The following VPS4A variants were observed in gnomAD, a reference collection of about 807,000 sequenced individuals.
The protein encoded by VPS4A is vacuolar protein sorting 4 homolog A, also known as vacuolar protein sorting-associated protein 4A.
In VPS4A, 20 loss-of-function variants were observed where a neutral mutation model predicts 52.3. That is an observed-to-expected ratio of 0.38 (90% CI 0.27 to 0.56). The LOEUF (loss-of-function observed/expected upper bound fraction) is 0.56, where lower values mean the gene tolerates loss of function less well. Among genes scored for constraint, VPS4A ranks in the 20% least tolerant of loss-of-function variants. The pLI is 0.72. For synonymous variants in VPS4A, 293 were observed against 227.7 expected (o/e 1.29, Z -2.58); for missense variants, 419 against 575.9 (o/e 0.73, Z 2.79).
rs755682902 is a variant in VPS4A at position 69,316,293 on chromosome 16, G to A, written c.202G>A (p.Glu68Lys). Residue 68 changes from glutamate (E) to lysine (K), a missense_variant, in exon 3 of 11, where the codon GAG (glutamate) becomes AAG (lysine). Coordinates refer to ENST00000254950, the MANE Select transcript of VPS4A (RefSeq NM_013245.3). ...GTGCGTGCAGTACCTAGACCGGGCCGAGAAGCTGAAGGATTATTTACGAAG... is the reference window on the plus strand; with the variant it reads ...GTGCGTGCAGTACCTAGACCGGGCCAAGAAGCTGAAGGATTATTTACGAAG... ...AKCVQYLDRA[E>K]KLKDYLRSKE... The A allele has an allele frequency of 1.2e-6, 2 of 1,613,878 alleles. No homozygotes were observed. The highest frequency in any genetic ancestry group is 2.2e-5 in the South Asian group (2 of 91,084).
At chr16:69,319,671 G>A (rs1965485815) in intron 6 of VPS4A, 128 bp downstream of exon 6, 1 of 1,267,176 alleles carries the variant, frequency 7.9e-7, no homozygotes, top group African/African-American at 1.5e-5. Context: ...AGAGCAGTGT[G>A]TCGCTAGCTT....
intron 1 of VPS4A, among the ~76,000 whole-genome samples, chr16:69,314,561 C>G (rs567885351): frequency 3.4e-4 from 52 of 152,202 alleles, no homozygotes; most frequent in African/African-American, 1.2e-3. Flanking sequence ...GGGCTCCCAG[C>G]CATTCATTGT....
At position 69,322,659 on chromosome 16, in the gene VPS4A, G is replaced by A. The variant is rs184892976; in HGVS notation, c.1171G>A (p.Asp391Asn). The change falls in exon 10 of 11, where the codon GAT (aspartate) becomes AAT (asparagine). Residue 391 changes from aspartate (D) to asparagine (N), a missense_variant. Physicochemically the swap from Asp to Asn is conservative, Grantham distance 23. Transcript: ENST00000254950. ...DPGAMEMTWM[D>N]VPGDKLLEPV... ...AGGAGCCATGGAGATGACTTGGATG[G>A]ATGTCCCTGGGGACAAACTCTTAGA... is the stretch of plus-strand genomic sequence containing the variant. 1.4e-3 allele frequency: 2,332 copies of A among 1,613,908 alleles called. 6 individuals carry two copies. Among genetic ancestry groups the A allele is most frequent in the Admixed American group, 2.7e-3 (163 of 60,012 alleles).
Position 69,324,350 on chromosome 16 carries a change from T to A in VPS4A, c.*41T>A. The A allele has an allele frequency of 1.3e-6, 2 of 1,595,688 alleles. No individual in the cohort carries two copies. Among genetic ancestry groups the A allele is most frequent in the Non-Finnish European group, 1.7e-6 (2 of 1,168,154 alleles). On this transcript the variant is annotated 3_prime_UTR_variant, in exon 11 of 11. Transcript: ENST00000254950. ...GGCAATGGTGAAGGTGGGAGGTTGA[T>A]TGGGGCAAATCCAGGCACTCCCCAT... is the stretch of plus-strand genomic sequence containing the variant.
At chr16:69,319,685 G>T (rs549312887) in intron 6 of VPS4A, 142 bp downstream of exon 6, 10 of 1,159,254 alleles carry the variant, frequency 8.6e-6, no homozygotes, top group East Asian at 7.7e-5. Flanking sequence ...CTAGCTTATC[G>T]GCTGGGACAC....
rs1270699384 is a variant in VPS4A at position 69,325,604 on chromosome 16, G to A, written c.*1295G>A. ...AAAAATTAGCCGGGCGTGGTGGTGG[G>A]CGCCTGCAGTCCCAGCTACTTGGGA... is the stretch of plus-strand genomic sequence containing the variant. On this transcript the variant is annotated 3_prime_UTR_variant, in exon 11 of 11. Transcript: ENST00000254950. 1.3e-5 allele frequency: 2 copies of A among 152,024 alleles called. No homozygotes were observed. Among genetic ancestry groups the A allele is most frequent in the Admixed American group, 6.6e-5 (1 of 15,260 alleles). 9.4% of individuals were successfully genotyped at this position (152,024 alleles called of 1,614,324 possible). A position where few individuals can be genotyped will look rare whatever the true frequency, so the allele number is the denominator to read the frequency against.
In VPS4A at chr16:69,320,681, T is replaced by G. The variant is rs756489799; in HGVS notation, c.770-7T>G. The G allele has an allele frequency of 6.3e-7, 1 of 1,597,042 alleles. No individual in the cohort carries two copies. The highest frequency in any genetic ancestry group is 8.5e-7 in the Non-Finnish European group (1 of 1,171,792). ...GAGTCTGAGTCTTTGTCTCCCTTTC[T>G]CCACAGGGGTGGGGAATAACAATGA... On this transcript the variant is annotated splice_region_variant and splice_polypyrimidine_tract_variant and intron_variant, in intron 7 of 10. Coordinates refer to ENST00000254950, the MANE Select transcript of VPS4A (RefSeq NM_013245.3). This position sits in a 1 kb window ranked among gnomAD's most constrained non-coding sequence, Gnocchi z 4.2.
At chr16:69,322,389 T>C (rs1965524206) in intron 9 of VPS4A, 171 bp from the exon 10 acceptor site, 4 of 592,484 alleles carry the variant, frequency 6.8e-6, no homozygotes, top group East Asian at 2.9e-5. Flanking sequence ...CAGAGTCCCA[T>C]GCAAATCATG....
In VPS4A at chr16:69,324,426, C is replaced by T. The variant is rs1010457429; in HGVS notation, c.*117C>T. On this transcript the variant is annotated 3_prime_UTR_variant, in exon 11 of 11. Transcript: ENST00000254950. Reference sequence around the variant, plus strand: ...GCTTGTCCCAGTCAATACAGAGTTCCCTCTGCTGTCTGGCCGTCTGCCAGG... The same window carrying T: ...GCTTGTCCCAGTCAATACAGAGTTCTCTCTGCTGTCTGGCCGTCTGCCAGG... 2.2e-5 allele frequency: 25 copies of T among 1,126,610 alleles called. No individual in the cohort carries two copies. In the South Asian group the frequency reaches 2.8e-4, roughly 13 times the overall value. 69.8% of individuals were successfully genotyped at this position (1,126,610 alleles called of 1,614,324 possible).
At position 69,320,975 on chromosome 16, in the gene VPS4A, A is replaced by G; in HGVS notation, c.852-76A>G. 6.9e-7 allele frequency: 1 copy of G among 1,455,448 alleles called. No individual in the cohort carries two copies. The highest frequency in any genetic ancestry group is 9.4e-7 in the Non-Finnish European group (1 of 1,063,326). The allele number at this position is 1,455,448 out of a possible 1,614,324, so 90.2% of individuals were successfully genotyped here. On this transcript the variant is annotated intron_variant, in intron 8 of 10. Coordinates refer to ENST00000254950, the MANE Select transcript of VPS4A (RefSeq NM_013245.3). This position sits in a 1 kb window ranked among gnomAD's most constrained non-coding sequence, Gnocchi z 4.2. ...CCATGAAATGCGTCCGTTTCACTCA[A>G]ATCTTCGTGCCTCCCCTTCCGTGAA...
At chr16:69,313,914 T>C (rs1188179731) in intron 1 of VPS4A, among the ~76,000 whole-genome samples, 1 of 152,010 alleles carries the variant, frequency 6.6e-6, no homozygotes, top group Non-Finnish European at 1.5e-5. Flanking sequence ...TAAAACTGTT[T>C]CTCTCCATTG....
Position 69,311,407 on chromosome 16 carries a change from G to T in VPS4A, c.-105G>T, listed in dbSNP as rs1471500865. On this transcript the variant is annotated 5_prime_UTR_variant, in exon 1 of 11. Coordinates refer to ENST00000254950, the MANE Select transcript of VPS4A (RefSeq NM_013245.3). ...GCCCTGCCCGCGCACCGCGCTCAGCGCCCACCGCCGGGCTTCCCGCGCCGG... is the reference window on the plus strand; with the variant it reads ...GCCCTGCCCGCGCACCGCGCTCAGCTCCCACCGCCGGGCTTCCCGCGCCGG... 1.2e-5 allele frequency: 14 copies of T among 1,185,916 alleles called. No individual in the cohort carries two copies. The highest frequency in any genetic ancestry group is 1.6e-5 in the African/African-American group (1 of 62,412). The allele number at this position is 1,185,916 out of a possible 1,614,324, so 73.5% of individuals were successfully genotyped here.
At position 69,320,702 on chromosome 16, in the gene VPS4A, A is replaced by C; in HGVS notation, c.784A>C (p.Asn262His). Residue 262 changes from asparagine (N) to histidine (H), a missense_variant, in exon 8 of 11, where the codon AAT becomes CAT. Physicochemically the swap from Asn to His is moderately conservative, Grantham distance 68 (BLOSUM62 1). Transcript: ENST00000254950. The surrounding 1 kb of genome is among the most constrained non-coding windows in gnomAD (Gnocchi z 4.2). Reference sequence around the variant, plus strand: ...TTTCTCCACAGGGGTGGGGAATAACAATGATGGGACTCTGGTTCTTGGAGC... The same window carrying C: ...TTTCTCCACAGGGGTGGGGAATAACCATGATGGGACTCTGGTTCTTGGAGC... ...LVQMQGVGNN[N>H]DGTLVLGATN... 6.2e-7 allele frequency: 1 copy of C among 1,606,386 alleles called. No homozygotes were observed. The highest frequency in any genetic ancestry group is 8.5e-7 in the Non-Finnish European group (1 of 1,176,618).
At chr16:69,322,817 C>T (rs1965530644) in intron 10 of VPS4A, 117 bp downstream of exon 10, 2 of 1,362,362 alleles carry the variant, frequency 1.5e-6, no homozygotes, top group Non-Finnish European at 2.0e-6. Context: ...CGCCTGTAAT[C>T]CCAGCACTTT....
At chr16:69,311,673 C>A in intron 1 of VPS4A, 141 bp downstream of exon 1, 1 of 899,420 alleles carries the variant, frequency 1.1e-6, no homozygotes, top group Non-Finnish European at 1.4e-6. Flanking sequence ...CCCCTCGCCG[C>A]TTCCGCCCGT....
chr16:69,313,819 CTT>C (rs965688189), intron 1 of VPS4A, among the ~76,000 whole-genome samples: 1 of 152,094 alleles, frequency 6.6e-6, no homozygotes, highest in East Asian at 1.9e-4. Flanking sequence ...CATTAGCACT[CTT>C]TTCTTTCATC....
chr16:69,319,266 AG>A, intron 5 of VPS4A, 120 bp from the exon 6 acceptor site: 12 of 1,410,808 alleles, frequency 8.5e-6, no homozygotes, highest in Non-Finnish European at 1.2e-5. Context: ...CTTGTTTGCC[AG>A]TAGAGTCCGT....
intron 3 of VPS4A, 73 bp from the exon 4 acceptor site, chr16:69,318,577 C>G: frequency 1.3e-6 from 2 of 1,520,364 alleles, no homozygotes; most frequent in South Asian, 2.4e-5. Flanking sequence ...GGCAGCGGAG[C>G]CTGGACTTGC....
Position 69,324,276 on chromosome 16 carries a change from G to A in VPS4A, c.1281G>A (p.Lys427=). 1 of 1,613,930 alleles carries A rather than the reference G, an allele frequency of 6.2e-7. No homozygotes were observed. The highest frequency in any genetic ancestry group is 8.5e-7 in the Non-Finnish European group (1 of 1,179,874). ...TVNADDLLKV[K]KFSEDFGQES is the part of the protein sequence containing the mutation. Reference sequence around the variant, plus strand: ...ATGCAGACGACCTCCTGAAAGTGAAGAAATTCTCAGAGGACTTTGGGCAAG... The same window carrying A: ...ATGCAGACGACCTCCTGAAAGTGAAAAAATTCTCAGAGGACTTTGGGCAAG... Residue 427 remains lysine, a synonymous_variant, in exon 11 of 11, where the codon AAG becomes AAA. Coordinates refer to ENST00000254950, the MANE Select transcript of VPS4A (RefSeq NM_013245.3).
Sources: gnomAD v4.1 joint callset for allele counts (sites outside exome capture counted in the v4.1 genomes callset) on GRCh38, gnomAD v4.1.1 for gene constraint, Gnocchi (gnomAD v3.1) non-coding constraint, MANE v1.5 for transcripts, NCBI Gene and HGNC (gene_info 2026-07-23, HGNC 2026-07-21) for gene names.